Variants in APBB1IP observed in about 807,000 individuals in gnomAD.
APBB1IP encodes amyloid beta A4 precursor protein-binding family B member 1-interacting protein.
A neutral mutation model predicts 64.9 loss-of-function variants in APBB1IP; 27 were observed. The ratio of observed to expected loss-of-function variants is 0.42; its 90% CI spans 0.31 to 0.57. The LOEUF (loss-of-function observed/expected upper bound fraction) is 0.57. Ranked by LOEUF, APBB1IP falls within the 20% of genes least tolerant of loss-of-function variation. The pLI, the probability that APBB1IP is intolerant of heterozygous loss-of-function variation, is 0.20. For missense variants in APBB1IP, 812 were observed against 845.5 expected (o/e 0.96, Z 0.49); for synonymous variants, 392 against 331.0 (o/e 1.18, Z -2.00).
intron 9 of APBB1IP, among the ~76,000 whole-genome samples, chr10:26,534,879 A>G (rs1564371660): frequency 6.6e-6 from 1 of 152,138 alleles, no homozygotes; most frequent in Admixed American, 6.5e-5. Flanking sequence ...TGGGGTCAAA[A>G]CTCTGAATTT....
At chr10:26,473,951 G>A (rs1050649685) in intron 2 of APBB1IP, among the ~76,000 whole-genome samples, 5 of 144,420 alleles carry the variant, frequency 3.5e-5, no homozygotes, top group East Asian at 4.0e-4. Context: ...ACAGTGAGCC[G>A]AGATCGCACC....
intron 2 of APBB1IP, among the ~76,000 whole-genome samples, chr10:26,446,273 T>A (rs1835397203): frequency 6.6e-6 from 1 of 152,230 alleles, no homozygotes; most frequent in Admixed American, 6.5e-5. Context: ...GGCAATGAAC[T>A]CATTAGGTTT....
At chr10:26,498,945 C>A (rs1836063042) in intron 4 of APBB1IP, among the ~76,000 whole-genome samples, 3 of 152,142 alleles carry the variant, frequency 2.0e-5, no homozygotes, top group African/African-American at 7.2e-5. Context: ...CCCTTTAAAA[C>A]ACTGCTAAAA....
chr10:26,449,309 A>G (rs961975876), intron 2 of APBB1IP, among the ~76,000 whole-genome samples: 3 of 152,096 alleles, frequency 2.0e-5, no homozygotes, highest in African/African-American at 7.2e-5. Context: ...TTGTGTGTGT[A>G]TATCTGTGTG....
At chr10:26,466,163 G>C (rs919641803) in intron 2 of APBB1IP, among the ~76,000 whole-genome samples, 1 of 152,208 alleles carries the variant, frequency 6.6e-6, no homozygotes, top group Non-Finnish European at 1.5e-5. Context: ...GCAGTGATGA[G>C]ATCCCCTTCT....
At chr10:26,445,507 C>T (rs980547174) in intron 2 of APBB1IP, among the ~76,000 whole-genome samples, 3 of 152,124 alleles carry the variant, frequency 2.0e-5, no homozygotes, top group African/African-American at 7.2e-5. Flanking sequence ...GCTTCGGCCT[C>T]CTAAAGGGCT....
chr10:26,511,467 T>C (rs148604832), intron 6 of APBB1IP, among the ~76,000 whole-genome samples: 19 of 152,326 alleles, frequency 1.2e-4, no homozygotes, highest in African/African-American at 4.6e-4. Flanking sequence ...CTTTTTTTGT[T>C]CTGTTGTTTT....
chr10:26,466,637 C>A (rs935058938), intron 2 of APBB1IP, among the ~76,000 whole-genome samples: 5 of 152,172 alleles, frequency 3.3e-5, no homozygotes, highest in African/African-American at 1.2e-4. Flanking sequence ...CTCGGCCCCA[C>A]AAAAAATTTA....
At chr10:26,515,038 A>T (rs1225227837) in intron 8 of APBB1IP, among the ~76,000 whole-genome samples, 4 of 133,038 alleles carry the variant, frequency 3.0e-5, no homozygotes, top group African/African-American at 1.1e-4. Context: ...CCCCCGGCTA[A>T]TTTTTTTTTT....
At chr10:26,485,779 T>C (rs915474430) in intron 2 of APBB1IP, among the ~76,000 whole-genome samples, 1 of 152,218 alleles carries the variant, frequency 6.6e-6, no homozygotes, top group African/African-American at 2.4e-5. Context: ...AAATCTCTGC[T>C]GGGAATGAAG....
rs181776294 is a variant in APBB1IP at position 26,548,185 on chromosome 10, A to C, written c.1155+6493A>C. ...TATTTCTGTGTGAAGTATGACATTA[A>C]AATTTTTTTTTATTATTATACTTCA... On this transcript the variant is annotated intron_variant, in intron 11 of 14. Coordinates refer to ENST00000376236, the MANE Select transcript of APBB1IP (RefSeq NM_019043.4). Among the ~76,000 whole-genome samples, 329 of 152,290 alleles carry C rather than the reference A, an allele frequency of 2.2e-3. 2 individuals are homozygous for C. The highest frequency in any genetic ancestry group is 4.0e-3 in the Non-Finnish European group (269 of 68,024).
intron 2 of APBB1IP, among the ~76,000 whole-genome samples, chr10:26,479,892 G>A (rs912469851): frequency 1.3e-5 from 2 of 152,192 alleles, no homozygotes; most frequent in Admixed American, 1.3e-4. Flanking sequence ...TTCCTCTGTG[G>A]TTTCTAGCTC....
At chr10:26,507,225 G>C (rs545338508) in intron 6 of APBB1IP, among the ~76,000 whole-genome samples, 32 of 152,168 alleles carry the variant, frequency 2.1e-4, no homozygotes, top group Admixed American at 1.4e-3. Context: ...AGGCACAGAG[G>C]CTCACACCTC....
At chr10:26,499,374 T>C (rs1278965576) in intron 4 of APBB1IP, among the ~76,000 whole-genome samples, 1 of 152,186 alleles carries the variant, frequency 6.6e-6, no homozygotes, top group Non-Finnish European at 1.5e-5. Context: ...TAAACTGTTT[T>C]TACACGTTTA....
intron 11 of APBB1IP, among the ~76,000 whole-genome samples, chr10:26,545,018 G>C (rs1836742295): frequency 6.6e-6 from 1 of 152,268 alleles, no homozygotes; most frequent in African/African-American, 2.4e-5. Flanking sequence ...TTTTCTCTCA[G>C]GATGATGATC....
chr10:26,448,480 T>C (rs1396402392), intron 2 of APBB1IP, among the ~76,000 whole-genome samples: 1 of 152,222 alleles, frequency 6.6e-6, no homozygotes, highest in Non-Finnish European at 1.5e-5. Flanking sequence ...AGTGGCTGAA[T>C]TGGGCAGTGC....
intron 2 of APBB1IP, among the ~76,000 whole-genome samples, chr10:26,484,446 G>A (rs1045036642): frequency 1.3e-5 from 2 of 152,102 alleles, no homozygotes; most frequent in Middle Eastern, 3.2e-3. Flanking sequence ...GGGATTATAG[G>A]TGCGCACCAC....
intron 6 of APBB1IP, among the ~76,000 whole-genome samples, chr10:26,504,045 T>G (rs76816453): frequency 0.034 from 5,206 of 152,240 alleles, 248 homozygotes; most frequent in African/African-American, 0.11. Context: ...AATTCTTGGT[T>G]GATAGCAGGT....
chr10:26,471,898 T>C (rs1835721085), intron 2 of APBB1IP, among the ~76,000 whole-genome samples: 1 of 152,192 alleles, frequency 6.6e-6, no homozygotes, highest in South Asian at 2.1e-4. Flanking sequence ...TTGGCCAAGA[T>C]GGTCTCCATC....
Sources: gnomAD v4.1 joint callset for allele counts (sites outside exome capture counted in the v4.1 genomes callset) on GRCh38, gnomAD v4.1.1 for gene constraint, MANE v1.5 for transcripts, NCBI Gene and HGNC (gene_info 2026-07-23, HGNC 2026-07-21) for gene names.